RAB38: variants seen among roughly 807,000 people sequenced by gnomAD.
RAB38 encodes the protein RAB38, member RAS oncogene family.
Under a neutral mutation model 18.4 loss-of-function variants are expected in RAB38, and 15 were observed. The ratio of observed to expected loss-of-function variants is 0.82; its 90% CI spans 0.55 to 1.26. The LOEUF (loss-of-function observed/expected upper bound fraction) is 1.26. RAB38 is among the 50% of genes most tolerant of loss of function. RAB38 has a pLI of 0.00. For missense variants in RAB38, 294 were observed against 267.4 expected (o/e 1.10, Z -0.69); for synonymous variants, 101 against 104.4 (o/e 0.97, Z 0.20).
At chr11:87,821,741 C>CT in the RAB38 span, among the ~76,000 whole-genome samples, 7 of 151,440 alleles carry the variant, frequency 4.6e-5, no homozygotes, top group Non-Finnish European at 8.8e-5. Flanking sequence ...ATCTCAGCTA[C>CT]TTGGGAGACT....
chr11:88,007,993 G>T, the RAB38 span, among the ~76,000 whole-genome samples: 1 of 152,018 alleles, frequency 6.6e-6, no homozygotes, highest in African/African-American at 2.4e-5. Context: ...AGATCATAAC[G>T]TATGTTTCCA....
At chr11:87,836,976 C>T in the RAB38 span, among the ~76,000 whole-genome samples, 2 of 152,180 alleles carry the variant, frequency 1.3e-5, no homozygotes, top group East Asian at 3.9e-4. Context: ...GTGAATCACA[C>T]TATGCAAATT....
At chr11:87,975,626 T>C in the RAB38 span, among the ~76,000 whole-genome samples, 2 of 151,824 alleles carry the variant, frequency 1.3e-5, no homozygotes, top group Admixed American at 6.6e-5. Context: ...TAATAACATA[T>C]GCAGAAGTAA....
chr11:88,078,077 A>T, the RAB38 span, among the ~76,000 whole-genome samples: 5 of 152,136 alleles, frequency 3.3e-5, no homozygotes, highest in Non-Finnish European at 5.9e-5. Flanking sequence ...AAAAATCCTC[A>T]ACATCACTAA....
chr11:88,025,110 C>A, the RAB38 span, among the ~76,000 whole-genome samples: 1 of 151,682 alleles, frequency 6.6e-6, no homozygotes, highest in Non-Finnish European at 1.5e-5. Context: ...ATGCCTCAAC[C>A]AAAATATCGC....
the RAB38 span, among the ~76,000 whole-genome samples, chr11:88,007,885 A>T: frequency 6.6e-6 from 1 of 152,194 alleles, no homozygotes; most frequent in Non-Finnish European, 1.5e-5. Flanking sequence ...TATTTAAATA[A>T]TGGAATACTA....
At chr11:87,808,277 T>G in the RAB38 span, among the ~76,000 whole-genome samples, 1 of 152,210 alleles carries the variant, frequency 6.6e-6, no homozygotes, top group Non-Finnish European at 1.5e-5. Flanking sequence ...TGCAGTGTTT[T>G]TCACAATAGC....
the RAB38 span, chr11:87,817,227 C>T: frequency 4.6e-5 from 7 of 152,210 alleles, no homozygotes; most frequent in South Asian, 1.5e-3. Flanking sequence ...AACTTTTAAA[C>T]TTTTACCTAG....
At chr11:87,971,136 A>T in the RAB38 span, among the ~76,000 whole-genome samples, 4 of 152,126 alleles carry the variant, frequency 2.6e-5, no homozygotes, top group East Asian at 7.7e-4. Flanking sequence ...CTGCCTGATT[A>T]TCAGTTTGGT....
the RAB38 span, among the ~76,000 whole-genome samples, chr11:87,819,674 ATGTG>A: frequency 1.4e-4 from 20 of 147,582 alleles, no homozygotes; most frequent in African/African-American, 4.7e-4. Flanking sequence ...ATATATATAT[ATGTG>A]TATATATATA....
At chr11:88,142,337 A>G (rs961223266) in intron 2 of RAB38, among the ~76,000 whole-genome samples, 2 of 152,212 alleles carry the variant, frequency 1.3e-5, no homozygotes, top group African/African-American at 4.8e-5. Flanking sequence ...GGAATTAGTG[A>G]TAATAGCTGT....
chr11:88,105,126 G>A, the RAB38 span, among the ~76,000 whole-genome samples: 1 of 151,944 alleles, frequency 6.6e-6, no homozygotes, highest in Non-Finnish European at 1.5e-5. Flanking sequence ...AATTTATAAT[G>A]TAAATAACAT....
chr11:87,960,201 G>A, the RAB38 span, among the ~76,000 whole-genome samples: 4 of 152,082 alleles, frequency 2.6e-5, no homozygotes, highest in African/African-American at 9.7e-5. Context: ...CACCTGGAAA[G>A]CTTATTACAA....
At chr11:87,938,046 A>T in the RAB38 span, among the ~76,000 whole-genome samples, 1 of 152,104 alleles carries the variant, frequency 6.6e-6, no homozygotes, top group African/African-American at 2.4e-5. Flanking sequence ...TTCACATTAT[A>T]TACTGAGATT....
chr11:87,853,028 G>T, the RAB38 span, among the ~76,000 whole-genome samples: 1 of 152,074 alleles, frequency 6.6e-6, no homozygotes, highest in Non-Finnish European at 1.5e-5. Context: ...AATTGCTAGG[G>T]AAAATTTTAA....
At chr11:88,077,283 A>C in the RAB38 span, among the ~76,000 whole-genome samples, 1 of 152,074 alleles carries the variant, frequency 6.6e-6, no homozygotes, top group Non-Finnish European at 1.5e-5. Flanking sequence ...CTTCACAGGA[A>C]CAAACATACT....
At chr11:88,026,047 C>T in the RAB38 span, among the ~76,000 whole-genome samples, 3 of 152,104 alleles carry the variant, frequency 2.0e-5, no homozygotes, top group South Asian at 4.2e-4. Flanking sequence ...TCACTGCAAC[C>T]TCTGCCTCCT....
the RAB38 span, among the ~76,000 whole-genome samples, chr11:87,821,432 ACT>A: frequency 6.6e-6 from 1 of 152,156 alleles, no homozygotes; most frequent in Non-Finnish European, 1.5e-5. Flanking sequence ...ACCAGCAATG[ACT>A]CTCTATAAAA....
chr11:87,878,252 A>ATCATCTATCTG, the RAB38 span, among the ~76,000 whole-genome samples: 69 of 11,006 alleles, frequency 6.3e-3, 1 homozygote, highest in African/African-American at 0.039. Flanking sequence ...CACACCTATC[A>ATCATCTATCTG]TCTATCTATC....
Sources: gnomAD v4.1 joint callset for allele counts (sites outside exome capture counted in the v4.1 genomes callset) on GRCh38, gnomAD v4.1.1 for gene constraint, MANE v1.5 for transcripts, NCBI Gene and HGNC (gene_info 2026-07-23, HGNC 2026-07-21) for gene names.